The following POMGNT1 variants were observed in gnomAD, a reference collection of about 807,000 sequenced individuals.
The protein encoded by POMGNT1 is protein O-linked mannose N-acetylglucosaminyltransferase 1 (beta 1,2-).
In POMGNT1, 67 loss-of-function variants were observed where a neutral mutation model predicts 95.6. That is an observed-to-expected ratio of 0.70 (90% CI 0.58 to 0.86). POMGNT1 has a LOEUF of 0.86. Among genes scored for constraint, POMGNT1 ranks in the 40% least tolerant of loss-of-function variants. POMGNT1 has a pLI of 0.00. For synonymous variants in POMGNT1, 298 were observed against 317.9 expected (o/e 0.94, Z 0.66); for missense variants, 719 against 855.2 (o/e 0.84, Z 1.99).
At chr1:46,218,582 AT>A (rs1037611763) in intron 1 of POMGNT1, among the ~76,000 whole-genome samples, 7 of 152,130 alleles carry the variant, frequency 4.6e-5, no homozygotes, top group African/African-American at 1.7e-4. Flanking sequence ...GTTCCCTGCT[AT>A]TGTAGATGTT....
chr1:46,190,870 C>G (rs758218916), intron 17 of POMGNT1, 86 bp from the exon 18 acceptor site: 2 of 1,295,596 alleles, frequency 1.5e-6, no homozygotes, highest in East Asian at 4.6e-5. Context: ...CTATAAGACA[C>G]ACAAATGAAG....
upstream of POMGNT1, among the ~76,000 whole-genome samples, chr1:46,202,736 A>G (rs1480529688): frequency 6.7e-6 from 1 of 148,418 alleles, no homozygotes; most frequent in Non-Finnish European, 1.5e-5. Context: ...GCAGGATCTC[A>G]AGCCCCACCC....
chr1:46,197,195 T>A, intron 2 of POMGNT1, 111 bp from the exon 3 acceptor site: 1 of 1,599,550 alleles, frequency 6.3e-7, no homozygotes, highest in East Asian at 2.2e-5. Context: ...AACTGGGTCC[T>A]GTCCCTTCCT....
chr1:46,220,149 G>A, exon 1 of POMGNT1: 9 of 1,614,208 alleles, frequency 5.6e-6, no homozygotes, highest in Non-Finnish European at 7.6e-6. Context: ...ACCAGAGGAT[G>A]AGAGTGCCAA....
rs954178455 is a variant in POMGNT1, at chr1:46,189,083, C to G, written c.*187G>C. Reference sequence around the variant, plus strand: ...TCCAACAAGGAAGTAAATAAATAGACTTTTAACTCAGGAACGGGGTGTTGG... The same window carrying G: ...TCCAACAAGGAAGTAAATAAATAGAGTTTTAACTCAGGAACGGGGTGTTGG... On this transcript the variant is annotated 3_prime_UTR_variant, in exon 22 of 22. Transcript: ENST00000371984. 3.9e-5 allele frequency: 59 copies of G among 1,511,806 alleles called. No homozygotes were observed. The highest frequency in any genetic ancestry group is 4.5e-5 in the Non-Finnish European group (51 of 1,135,956). 93.6% of individuals were successfully genotyped at this position (1,511,806 alleles called of 1,614,324 possible).
intron 1 of POMGNT1, among the ~76,000 whole-genome samples, chr1:46,205,238 A>G (rs990617739): frequency 1.3e-5 from 2 of 152,066 alleles, no homozygotes; most frequent in Non-Finnish European, 2.9e-5. Context: ...AGCCTGGGTG[A>G]CAGAGCTCAG....
chr1:46,214,335 C>A, intron 1 of POMGNT1, among the ~76,000 whole-genome samples: 1 of 144,366 alleles, frequency 6.9e-6, no homozygotes. Flanking sequence ...GACAGAATGA[C>A]ATTCTGTCTC....
At chr1:46,219,225 G>A (rs1431372815) in intron 1 of POMGNT1, among the ~76,000 whole-genome samples, 1 of 151,976 alleles carries the variant, frequency 6.6e-6, no homozygotes, top group Non-Finnish European at 1.5e-5. Context: ...AACCCAGGAG[G>A]CGGAGGTTGC....
chr1:46,193,887 G>A lies in POMGNT1; in HGVS notation c.918C>T (p.Val306=). 6.2e-7 allele frequency: 1 copy of A among 1,614,198 alleles called. No individual in the cohort carries two copies. Among genetic ancestry groups the A allele is most frequent in the Non-Finnish European group, 8.5e-7 (1 of 1,180,030 alleles). Residue 306 remains valine (V), a synonymous_variant, in exon 10 of 22, where the codon GTC becomes GTT. Coordinates refer to ENST00000371984, the MANE Select transcript of POMGNT1 (RefSeq NM_017739.4). ...GGTAATTGGGTCGGTTCCCTGCAATGACAGCCACAGGCACATTGAGGACCT... is the reference window on the plus strand; with the variant it reads ...GGTAATTGGGTCGGTTCCCTGCAATAACAGCCACAGGCACATTGAGGACCT... ...DNKVLNVPVA[V]IAGNRPNYLY...
chr1:46,196,016 G>A lies in POMGNT1; in HGVS notation c.416C>T (p.Ala139Val), dbSNP rs1658211087. Residue 139 changes from alanine to valine, a missense_variant, in exon 5 of 22, where the codon GCC becomes GTC. Ala to Val is a moderately conservative substitution (Grantham distance 64). This residue lies in a region of POMGNT1 where 466 missense variants were observed against 517.4 expected (regional missense o/e 0.90). Coordinates refer to ENST00000371984, the MANE Select transcript of POMGNT1 (RefSeq NM_017739.4). The surrounding 1 kb of genome is among the most constrained non-coding windows in gnomAD (Gnocchi z 4.4). The part of the protein sequence containing the change: ...RGIHVIVLNQ[A>V]TGHVMAKRVF... ...CACCCACCCCTAGAAACTCACCGTG[G>A]CCTGGTTGAGGACAATGACATGGAT... 6.2e-7 allele frequency: 1 copy of A among 1,614,042 alleles called. No homozygotes were observed. The highest frequency in any genetic ancestry group is 1.7e-5 in the Admixed American group (1 of 60,014).
chr1:46,193,087 G>A (rs1465503696), intron 13 of POMGNT1, 87 bp downstream of exon 13: 1 of 1,605,802 alleles, frequency 6.2e-7, no homozygotes, highest in African/African-American at 1.3e-5. Context: ...GGCCCAGTGA[G>A]GGGAAGAGCT....
chr1:46,195,833 C>A lies in POMGNT1; in HGVS notation c.512G>T (p.Arg171Leu). ...GACCTTGACAGTGCAGATGAGCACT[C>A]GGCCGGGCGCTACCATGTTGAGGAA... Reference protein sequence around the residue: ...VLFLNMVAPGRVLICTVKDEG... With the variant: ...VLFLNMVAPGLVLICTVKDEG... Residue 171 changes from arginine (R) to leucine (L), a missense_variant, in exon 6 of 22, where the codon CGA (arginine) becomes CTA (leucine). Arg to Leu is a moderately radical substitution (Grantham distance 102, BLOSUM62 -2). Coordinates refer to ENST00000371984, the MANE Select transcript of POMGNT1 (RefSeq NM_017739.4). 6.2e-7 allele frequency: 1 copy of A among 1,601,332 alleles called. No individual in the cohort carries two copies. Among genetic ancestry groups the A allele is most frequent in the South Asian group, 1.1e-5 (1 of 89,506 alleles).
At chr1:46,212,497 G>T (rs1658932457) in intron 1 of POMGNT1, among the ~76,000 whole-genome samples, 1 of 151,892 alleles carries the variant, frequency 6.6e-6, no homozygotes, top group Non-Finnish European at 1.5e-5. Flanking sequence ...TAGCCAGGAT[G>T]GTCTTGATCT....
rs1225796352 is a variant in POMGNT1, at chr1:46,188,832, A to G, written c.*438T>C. On this transcript the variant is annotated 3_prime_UTR_variant, in exon 22 of 22. Coordinates refer to ENST00000371984, the MANE Select transcript of POMGNT1 (RefSeq NM_017739.4). ...ATGTGGGCCCCAGCTGGGCCTGTCC[A>G]TGGGTTGGGCACAGCAGTTTCCTGA... 2 of 1,612,780 alleles carry G rather than the reference A, an allele frequency of 1.2e-6. No homozygotes were observed. Among genetic ancestry groups the G allele is most frequent in the Admixed American group, 1.7e-5 (1 of 60,014 alleles).
chr1:46,204,646 G>A (rs1658657392), intron 1 of POMGNT1, among the ~76,000 whole-genome samples: 2 of 152,218 alleles, frequency 1.3e-5, no homozygotes, highest in South Asian at 4.1e-4. Flanking sequence ...GCTGGGAAGA[G>A]AGTCTGGTGG....
intron 1 of POMGNT1, among the ~76,000 whole-genome samples, chr1:46,206,528 C>T (rs184138613): frequency 8.8e-4 from 134 of 152,262 alleles, no homozygotes; most frequent in African/African-American, 3.1e-3. Flanking sequence ...GGAGTCGCCT[C>T]TGAGGCTGCA....
At position 46,193,372 on chromosome 1, in the gene POMGNT1, AC is replaced by A; in HGVS notation, c.1042del (p.Val348TrpfsTer6). 2 of 1,612,946 alleles carry A rather than the reference AC, an allele frequency of 1.2e-6. No homozygotes were observed. The highest frequency in any genetic ancestry group is 8.5e-7 in the Non-Finnish European group (1 of 1,179,526). ...DGYYEEPMDV[V>X]ALFGLRGIQH... ...GATGCCCCTCAGACCAAACAGTGCCACCACATCCATGGGTTCCTGGGGGACA... is the reference window on the plus strand; with the variant it reads ...GATGCCCCTCAGACCAAACAGTGCCACACATCCATGGGTTCCTGGGGGACA... On this transcript the variant is annotated frameshift_variant, in exon 12 of 22. Transcript: ENST00000371984. LOFTEE classifies it high-confidence loss of function.
intron 1 of POMGNT1, among the ~76,000 whole-genome samples, chr1:46,217,898 T>A: frequency 6.6e-6 from 1 of 151,942 alleles, no homozygotes; most frequent in East Asian, 1.9e-4. Flanking sequence ...TCTTATATAG[T>A]GTGGGAAATC....
intron 1 of POMGNT1, among the ~76,000 whole-genome samples, chr1:46,212,271 A>G (rs1038982850): frequency 2.0e-5 from 3 of 151,712 alleles, no homozygotes; most frequent in Non-Finnish European, 4.4e-5. Flanking sequence ...TAACATAAAC[A>G]ACCATGTAAA....
Sources: allele counts gnomAD v4.1 joint callset (sites outside exome capture counted in the v4.1 genomes callset), GRCh38; gene constraint gnomAD v4.1.1; regional missense constraint gnomAD v4.1.1; non-coding constraint Gnocchi (gnomAD v3.1); transcripts MANE v1.5; gene names NCBI Gene and HGNC (gene_info 2026-07-23, HGNC 2026-07-21).